Variants in CNTN5 observed in about 807,000 individuals in gnomAD.
CNTN5 encodes contactin-5.
A neutral mutation model predicts 129.1 loss-of-function variants in CNTN5; 77 were observed. That is an observed-to-expected ratio of 0.60 (90% CI 0.50 to 0.72). CNTN5 has a LOEUF of 0.72. CNTN5 is among the 30% of genes least tolerant of loss of function. The pLI is 0.00. For missense variants in CNTN5, 1,478 were observed against 1,328.8 expected (o/e 1.11, Z -1.75); for synonymous variants, 509 against 465.6 (o/e 1.09, Z -1.20).
chr11:100,158,597 T>A (rs1199925525), intron 13 of CNTN5, among the ~76,000 whole-genome samples: 5 of 151,874 alleles, frequency 3.3e-5, no homozygotes, highest in African/African-American at 1.2e-4. Context: ...AGTGTTCAAC[T>A]TTATTAGTAT....
At chr11:99,578,004 G>A (rs1263129843) in intron 3 of CNTN5, among the ~76,000 whole-genome samples, 2 of 132,212 alleles carry the variant, frequency 1.5e-5, no homozygotes, top group Non-Finnish European at 3.1e-5. Flanking sequence ...ACAGTCCCTG[G>A]TGTGTGATGT....
At chr11:99,909,967 T>TA (rs77199469) in intron 6 of CNTN5, among the ~76,000 whole-genome samples, 16,078 of 151,894 alleles carry the variant, frequency 0.11, 1,291 homozygotes, top group East Asian at 0.35. Flanking sequence ...ATAATAATAA[T>TA]AAAAAAAGAA....
intron 3 of CNTN5, among the ~76,000 whole-genome samples, chr11:99,649,843 A>C (rs1277518515): frequency 6.6e-6 from 1 of 151,700 alleles, no homozygotes; most frequent in Non-Finnish European, 1.5e-5. Context: ...TATTGCCAAT[A>C]CTTTATGTTG....
At chr11:100,043,204 T>C (rs991662985) in intron 9 of CNTN5, among the ~76,000 whole-genome samples, 1 of 152,202 alleles carries the variant, frequency 6.6e-6, no homozygotes, top group Non-Finnish European at 1.5e-5. Flanking sequence ...AAATCAGCCA[T>C]TTGAAAACAG....
chr11:100,227,124 C>T (rs909827733), intron 16 of CNTN5, among the ~76,000 whole-genome samples: 15 of 152,080 alleles, frequency 9.9e-5, no homozygotes, highest in African/African-American at 3.1e-4. Flanking sequence ...GTTCACTTTG[C>T]TCAATGTCTT....
intron 3 of CNTN5, among the ~76,000 whole-genome samples, chr11:99,612,241 A>G (rs912643982): frequency 2.0e-5 from 3 of 152,154 alleles, no homozygotes; most frequent in Admixed American, 6.6e-5. Flanking sequence ...AGGTTTTCTG[A>G]TCTCAAGACT....
At chr11:99,537,811 A>G (rs925931861) in intron 2 of CNTN5, among the ~76,000 whole-genome samples, 2 of 152,176 alleles carry the variant, frequency 1.3e-5, no homozygotes, top group African/African-American at 4.8e-5. Flanking sequence ...TGCAGCAATG[A>G]TACAGCTTTC....
intron 8 of CNTN5, among the ~76,000 whole-genome samples, chr11:99,991,560 T>C (rs1404546032): frequency 2.6e-5 from 4 of 152,180 alleles, no homozygotes; most frequent in Non-Finnish European, 4.4e-5. Context: ...AAATAGGGAA[T>C]TCATTTAATT....
chr11:99,948,727 C>T (rs188012404), intron 7 of CNTN5, among the ~76,000 whole-genome samples: 116 of 152,304 alleles, frequency 7.6e-4, no homozygotes, highest in African/African-American at 2.7e-3. Context: ...AATTAATATA[C>T]ATAGAGCACA....
chr11:100,037,923 C>G (rs575880661), intron 9 of CNTN5, among the ~76,000 whole-genome samples: 2 of 152,180 alleles, frequency 1.3e-5, no homozygotes, highest in East Asian at 1.9e-4. Context: ...AAACCAGCTC[C>G]TGGATTCATT....
chr11:100,086,335 C>G (rs1161673052), intron 13 of CNTN5, among the ~76,000 whole-genome samples: 1 of 150,002 alleles, frequency 6.7e-6, no homozygotes, highest in Non-Finnish European at 1.5e-5. Context: ...CTTGTTTCAA[C>G]AACGAGCTAG....
intron 2 of CNTN5, among the ~76,000 whole-genome samples, chr11:99,326,970 C>T (rs553866783): frequency 1.2e-3 from 180 of 152,198 alleles, no homozygotes; most frequent in African/African-American, 2.8e-3. Context: ...TGTCTATAAA[C>T]GTAAACATCT....
chr11:99,973,248 C>T (rs1441989230), intron 8 of CNTN5, among the ~76,000 whole-genome samples: 1 of 152,140 alleles, frequency 6.6e-6, no homozygotes, highest in Non-Finnish European at 1.5e-5. Context: ...CAATTAGTAA[C>T]TGTGGCTCTC....
intron 3 of CNTN5, among the ~76,000 whole-genome samples, chr11:99,569,416 C>T (rs1183174469): frequency 6.6e-6 from 1 of 152,098 alleles, no homozygotes; most frequent in African/African-American, 2.4e-5. Context: ...CGGGTTCAAG[C>T]GATTCTCCCG....
intron 2 of CNTN5, among the ~76,000 whole-genome samples, chr11:99,444,962 CAATT>C (rs1393719411): frequency 6.6e-6 from 1 of 150,736 alleles, no homozygotes; most frequent in Non-Finnish European, 1.5e-5. Context: ...AATCGGGAAA[CAATT>C]AGTTAATTTG....
intron 9 of CNTN5, among the ~76,000 whole-genome samples, chr11:100,029,878 T>C (rs1234888619): frequency 6.6e-6 from 1 of 152,228 alleles, no homozygotes; most frequent in East Asian, 1.9e-4. Context: ...ATACTGTCTG[T>C]TAAATTTTTT....
At chr11:99,900,629 C>T (rs1055404756) in intron 6 of CNTN5, among the ~76,000 whole-genome samples, 2 of 151,888 alleles carry the variant, frequency 1.3e-5, no homozygotes, top group African/African-American at 4.8e-5. Context: ...ATTTCTACAA[C>T]CCTTTACTTT....
intron 3 of CNTN5, among the ~76,000 whole-genome samples, chr11:99,725,295 AT>A (rs1425241992): frequency 2.6e-5 from 4 of 152,132 alleles, no homozygotes. Context: ...GTAGGTATGG[AT>A]TTTTTGTTTT....
intron 3 of CNTN5, among the ~76,000 whole-genome samples, chr11:99,711,754 A>T (rs1954999218): frequency 1.3e-5 from 2 of 151,928 alleles, no homozygotes; most frequent in South Asian, 4.1e-4. Context: ...TTCTTGTGTT[A>T]GTTTGCTGAG....
Sources: gnomAD v4.1 joint callset for allele counts (sites outside exome capture counted in the v4.1 genomes callset) on GRCh38, gnomAD v4.1.1 for gene constraint, MANE v1.5 for transcripts, NCBI Gene and HGNC (gene_info 2026-07-23, HGNC 2026-07-21) for gene names.